The following VSIG1 variants were observed in gnomAD, a reference collection of about 807,000 sequenced individuals.
VSIG1 encodes V-set and immunoglobulin domain containing 1, also known as V-set and immunoglobulin domain-containing protein 1.
Under a neutral mutation model 20.1 loss-of-function variants are expected in VSIG1, and 11 were observed. The ratio of observed to expected loss-of-function variants is 0.55; its 90% CI spans 0.34 to 0.91. The LOEUF (loss-of-function observed/expected upper bound fraction) is 0.91, where lower values mean the gene tolerates loss of function less well. VSIG1 is among the 40% of genes least tolerant of loss of function. The pLI is 0.02. For missense variants in VSIG1, 283 were observed against 298.8 expected (o/e 0.95, Z 0.39); for synonymous variants, 126 against 116.7 (o/e 1.08, Z -0.52).
intron 2 of VSIG1, among the ~76,000 whole-genome samples, chrX:108,062,269 G>C (rs1056529411): frequency 8.1e-5 from 9 of 111,525 alleles, no homozygotes; most frequent in Non-Finnish European, 1.5e-4. Flanking sequence ...CCCTTTGCCA[G>C]TCTCATAAAC....
chrX:108,055,619 A>T (rs1323469678), intron 1 of VSIG1, among the ~76,000 whole-genome samples: 40 of 111,983 alleles, frequency 3.6e-4, no homozygotes, highest in African/African-American at 1.1e-3. Flanking sequence ...ACCATGACCA[A>T]ATGGGATTTA....
the VSIG1 span, among the ~76,000 whole-genome samples, chrX:108,034,634 C>T: frequency 2.7e-3 from 307 of 112,497 alleles, no homozygotes; most frequent in Non-Finnish European, 4.2e-3. Flanking sequence ...ACAAGCATAT[C>T]GAGAGCACTT....
At chrX:108,042,056 A>T (rs1466707846), upstream of VSIG1, among the ~76,000 whole-genome samples, 1 of 112,034 alleles carries the variant, frequency 8.9e-6, no homozygotes, top group Non-Finnish European at 1.9e-5. Flanking sequence ...AAAACTGCAA[A>T]GGATATTTAA....
intron 2 of VSIG1, 114 bp from the exon 3 acceptor site, chrX:108,066,821 TG>T: frequency 1.4e-6 from 1 of 696,645 alleles, no homozygotes. Flanking sequence ...CTGTTCCTGG[TG>T]GGGGGAAGAT....
At chrX:108,038,023 A>T in the VSIG1 span, among the ~76,000 whole-genome samples, 1 of 111,856 alleles carries the variant, frequency 8.9e-6, no homozygotes, top group Non-Finnish European at 1.9e-5. Flanking sequence ...TTCTGCTGAT[A>T]CCCAGGGTGA....
rs184871294 is a variant in VSIG1, at chrX:108,066,822, G to C, written c.214-114G>C. On this transcript the variant is annotated intron_variant, in intron 2 of 6. Coordinates refer to ENST00000217957, the MANE Select transcript of VSIG1 (RefSeq NM_182607.5). The stretch of plus-strand genomic sequence containing the variant: ...TTGGCCACAGGGACCTGTTCCTGGT[G>C]GGGGGAAGATGCTGCTTCTTTATCA... 1.1e-4 allele frequency: 77 copies of C among 700,584 alleles called. No individual in the cohort carries two copies. The African/African-American group carries it at 1.5e-3, about 14-fold the overall frequency. 57.7% of individuals were successfully genotyped at this position (700,584 alleles called of 1,213,427 possible).
At chrX:108,072,879 T>C (rs770199048) in intron 4 of VSIG1, 47 bp downstream of exon 4, 4 of 1,161,912 alleles carry the variant, frequency 3.4e-6, no homozygotes, top group South Asian at 3.7e-5. Flanking sequence ...GTGTCTGTGG[T>C]TGGATGACAG....
the VSIG1 span, among the ~76,000 whole-genome samples, chrX:108,037,723 A>C: frequency 8.9e-6 from 1 of 112,879 alleles, no homozygotes; most frequent in African/African-American, 3.2e-5. Context: ...CCAATTTAAC[A>C]AATAGTTATT....
chrX:108,056,840 A>G (rs1266422962), intron 1 of VSIG1, among the ~76,000 whole-genome samples: 2 of 111,987 alleles, frequency 1.8e-5, no homozygotes, highest in Non-Finnish European at 3.8e-5. Flanking sequence ...TGGTTTTTTA[A>G]AATAAAATAA....
At chrX:108,076,995 T>C (rs2031360957) in intron 6 of VSIG1, 53 bp from the exon 7 acceptor site, 2 of 1,107,867 alleles carry the variant, frequency 1.8e-6, no homozygotes, top group Admixed American at 5.6e-5. Context: ...CACATGAAAT[T>C]TCAAAGTTAG....
chrX:108,037,049 T>A, the VSIG1 span, among the ~76,000 whole-genome samples: 32 of 111,547 alleles, frequency 2.9e-4, no homozygotes, highest in African/African-American at 1.0e-3. Context: ...GCCAGGGGGA[T>A]CTTTAAGAGG....
chrX:108,063,656 T>A (rs1161097835), intron 2 of VSIG1, among the ~76,000 whole-genome samples: 4 of 111,175 alleles, frequency 3.6e-5, no homozygotes, highest in African/African-American at 1.3e-4. Context: ...GAAGGCCCCT[T>A]AACCTTAGAA....
the VSIG1 span, among the ~76,000 whole-genome samples, chrX:108,024,220 T>G: frequency 8.9e-6 from 1 of 112,001 alleles, no homozygotes; most frequent in Non-Finnish European, 1.9e-5. Context: ...GATTATCTAA[T>G]TTGTTGACAT....
rs767040182 is a variant in VSIG1 at position 108,067,152 on chromosome X, T to C, written c.412+18T>C. The C allele has an allele frequency of 1.7e-6, 2 of 1,208,370 alleles. No individual in the cohort carries two copies. Among genetic ancestry groups the C allele is most frequent in the South Asian group, 3.5e-5 (2 of 56,874 alleles). On this transcript the variant is annotated intron_variant, in intron 3 of 6. Transcript: ENST00000217957. Reference sequence around the variant, plus strand: ...TGTGTTAGGTATGAGCACTTTTTTCTGCTTTTTCTTTTCTTGGAAAAAGTT... The same window carrying C: ...TGTGTTAGGTATGAGCACTTTTTTCCGCTTTTTCTTTTCTTGGAAAAAGTT...
upstream of VSIG1, among the ~76,000 whole-genome samples, chrX:108,040,170 A>G (rs1172343956): frequency 9.0e-6 from 1 of 111,712 alleles, no homozygotes; most frequent in Non-Finnish European, 1.9e-5. Context: ...TACTTCTATA[A>G]TATCAGAAGA....
the VSIG1 span, among the ~76,000 whole-genome samples, chrX:108,022,110 G>A: frequency 9.0e-6 from 1 of 111,690 alleles, no homozygotes; most frequent in African/African-American, 3.3e-5. Context: ...ATTTTACTAA[G>A]AATTTCTTTA....
chrX:108,047,859 C>T (rs746060970), intron 1 of VSIG1, among the ~76,000 whole-genome samples: 8 of 39,667 alleles, frequency 2.0e-4, no homozygotes, highest in African/African-American at 1.1e-3. Context: ...TATATATACA[C>T]ATATATATAT....
the VSIG1 span, among the ~76,000 whole-genome samples, chrX:108,022,822 C>T: frequency 8.1e-5 from 9 of 111,555 alleles, no homozygotes; most frequent in African/African-American, 2.9e-4. Context: ...TGGAGCCCTC[C>T]GTGTGGTACT....
chrX:108,067,027 C>T lies in VSIG1; in HGVS notation c.305C>T (p.Thr102Ile). ...AACGATCCAGGTAATGCATCTATCA[C>T]TATCTCGCATATGCAGCCAGCAGAC... ...GSNDPGNASI[T>I]ISHMQPADSG... The change falls in exon 3 of 7, where the codon ACT (threonine) becomes ATT (isoleucine). Residue 102 changes from threonine to isoleucine, a missense_variant. Thr to Ile is a moderately conservative substitution (Grantham distance 89, BLOSUM62 -1). Transcript: ENST00000217957. 8.3e-7 allele frequency: 1 copy of T among 1,211,174 alleles called. No homozygotes were observed. Among genetic ancestry groups the T allele is most frequent in the Non-Finnish European group, 1.1e-6 (1 of 895,012 alleles).
Sources: gnomAD v4.1 joint callset for allele counts (sites outside exome capture counted in the v4.1 genomes callset) on GRCh38, gnomAD v4.1.1 for gene constraint, MANE v1.5 for transcripts, NCBI Gene and HGNC (gene_info 2026-07-23, HGNC 2026-07-21) for gene names.